The following ABR variants were observed in gnomAD, a reference collection of about 807,000 sequenced individuals.
ABR encodes the protein ABR activator of RhoGEF and GTPase.
In ABR, 35 loss-of-function variants were observed where a neutral mutation model predicts 107.2. The ratio of observed to expected loss-of-function variants is 0.33; its 90% CI spans 0.25 to 0.43. The LOEUF (loss-of-function observed/expected upper bound fraction) is 0.43. ABR is among the 20% of genes least tolerant of loss of function. The pLI is 1.00. For missense variants in ABR, 815 were observed against 1,115.2 expected (o/e 0.73, Z 3.83); for synonymous variants, 498 against 462.0 (o/e 1.08, Z -1.00).
intron 1 of ABR, among the ~76,000 whole-genome samples, chr17:1,161,924 C>T (rs1184074054): frequency 6.6e-6 from 1 of 152,200 alleles, no homozygotes; most frequent in African/African-American, 2.4e-5. Flanking sequence ...ACACCACTAG[C>T]TAATGGTAAT....
chr17:1,103,382 C>T (rs958455711), intron 2 of ABR, among the ~76,000 whole-genome samples: 1 of 152,180 alleles, frequency 6.6e-6, no homozygotes, highest in Non-Finnish European at 1.5e-5. Flanking sequence ...GCTTCCCAGC[C>T]TTGACAAATG....
intron 16 of ABR, among the ~76,000 whole-genome samples, chr17:1,045,714 T>C (rs734894): frequency 0.38 from 58,047 of 152,110 alleles, 11,532 homozygotes; most frequent in East Asian, 0.65. Flanking sequence ...CTTATGTGTG[T>C]ACGGCTATTG....
Position 1,130,889 on chromosome 17 carries a change from C to T in ABR, c.62-5522G>A, listed in dbSNP as rs542027561. Reference sequence around the variant, plus strand: ...AGGGGAGTAAGTGGGAACTCTGCCCCGGCAGCCTGGGGAGGGGCTGGGACT... The same window carrying T: ...AGGGGAGTAAGTGGGAACTCTGCCCTGGCAGCCTGGGGAGGGGCTGGGACT... On this transcript the variant is annotated intron_variant, in intron 1 of 22. Coordinates refer to ENST00000302538, the MANE Select transcript of ABR (RefSeq NM_021962.5). Among the ~76,000 whole-genome samples, 6 of 152,326 alleles carry T rather than the reference C, an allele frequency of 3.9e-5. No individual in the cohort carries two copies. The South Asian group carries it at 1.0e-3, about 26-fold the overall frequency.
chr17:1,106,044 T>C (rs1401740550), intron 2 of ABR, among the ~76,000 whole-genome samples: 1 of 152,230 alleles, frequency 6.6e-6, no homozygotes, highest in Non-Finnish European at 1.5e-5. Context: ...TAAGCCATTT[T>C]ACAAATGCAA....
At chr17:1,144,276 A>T (rs1208489032) in intron 1 of ABR, among the ~76,000 whole-genome samples, 3 of 152,168 alleles carry the variant, frequency 2.0e-5, no homozygotes, top group African/African-American at 7.2e-5. Flanking sequence ...GTACGCAAGC[A>T]ACAGCCACTC....
intron 16 of ABR, among the ~76,000 whole-genome samples, chr17:1,048,959 C>T (rs1446230639): frequency 6.6e-6 from 1 of 152,226 alleles, no homozygotes; most frequent in Non-Finnish European, 1.5e-5. Flanking sequence ...ACTTGCGGCA[C>T]AGCACGAGGC....
chr17:1,013,649 G>C (rs1483731373), intron 16 of ABR, among the ~76,000 whole-genome samples: 1 of 152,238 alleles, frequency 6.6e-6, no homozygotes, highest in African/African-American at 2.4e-5. Flanking sequence ...CCGCGCACAG[G>C]AGGCTGCCTG....
At chr17:1,093,250 C>A (rs1362636887) in intron 3 of ABR, among the ~76,000 whole-genome samples, 2 of 151,972 alleles carry the variant, frequency 1.3e-5, no homozygotes, top group Non-Finnish European at 2.9e-5. Context: ...AGGTAGATCA[C>A]CTGAGGCCAG....
chr17:1,022,120 A>AAAAAAAAAAAAAAAAAC lies in ABR; in HGVS notation c.1792-8957_1792-8956insGTTTTTTTTTTTTTTTT, dbSNP rs56033950. Among the ~76,000 whole-genome samples, 250 of 118,352 alleles carry AAAAAAAAAAAAAAAAAC rather than the reference A, an allele frequency of 2.1e-3. 21 individuals are homozygous for AAAAAAAAAAAAAAAAAC. Among genetic ancestry groups the AAAAAAAAAAAAAAAAAC allele is most frequent in the African/African-American group, 4.5e-3 (122 of 27,362 alleles). The allele number at this position is 118,352 out of a possible 152,430, so 77.6% of individuals were successfully genotyped here. ...AGACTCTGTCTCAAAAAAAAAAAAA[A>AAAAAAAAAAAAAAAAAC]AAAAACAGAAAATGACTCCAGAAGG... is the stretch of plus-strand genomic sequence containing the variant. On this transcript the variant is annotated intron_variant, in intron 16 of 22. Transcript: ENST00000302538.
intron 10 of ABR, among the ~76,000 whole-genome samples, chr17:1,059,991 C>T (rs2033739726): frequency 6.6e-6 from 1 of 152,216 alleles, no homozygotes; most frequent in Non-Finnish European, 1.5e-5. Context: ...GAACCTACTG[C>T]AGAGGCACCT....
chr17:1,069,525 A>G (rs1228266545), intron 9 of ABR, among the ~76,000 whole-genome samples: 2 of 152,046 alleles, frequency 1.3e-5, no homozygotes. Flanking sequence ...TTAGCCAGAC[A>G]TGGTGGCATG....
Position 1,027,198 on chromosome 17 carries a change from C to T in ABR, c.1792-14034G>A, listed in dbSNP as rs564667871. On this transcript the variant is annotated intron_variant, in intron 16 of 22. Transcript: ENST00000302538. The surrounding 1 kb of genome is among the most constrained non-coding windows in gnomAD (Gnocchi z 4.7). The stretch of plus-strand genomic sequence containing the variant: ...CCTTGATTGGCAGGTTCTCCTCTCC[C>T]TGGTCCAGAGCCATCCAAAAGCTGG... Among the ~76,000 whole-genome samples, 4 of 152,354 alleles carry T rather than the reference C, an allele frequency of 2.6e-5. No homozygotes were observed. In the East Asian group the frequency reaches 5.8e-4, roughly 22 times the overall value.
chr17:1,045,623 C>T (rs1252124471), intron 16 of ABR, among the ~76,000 whole-genome samples: 1 of 152,242 alleles, frequency 6.6e-6, no homozygotes, highest in Non-Finnish European at 1.5e-5. Context: ...GATGATATTC[C>T]TCTCCCACAG....
At chr17:1,056,238 GC>G in intron 13 of ABR, 129 bp from the exon 14 acceptor site, 1 of 823,036 alleles carries the variant, frequency 1.2e-6, no homozygotes, top group Non-Finnish European at 2.0e-6. Flanking sequence ...CCACCTGGTG[GC>G]CAGATGAAAA....
At chr17:1,114,590 C>T (rs1019420968) in intron 2 of ABR, among the ~76,000 whole-genome samples, 2 of 151,772 alleles carry the variant, frequency 1.3e-5, no homozygotes, top group Non-Finnish European at 2.9e-5. Flanking sequence ...CTGGCTAACA[C>T]GGTGAAACCC....
intron 9 of ABR, among the ~76,000 whole-genome samples, chr17:1,068,228 C>T (rs1327601084): frequency 1.3e-5 from 2 of 152,200 alleles, no homozygotes; most frequent in African/African-American, 4.8e-5. Context: ...CCACCGTGCC[C>T]GCCCAGTCAT....
At position 1,092,392 on chromosome 17, in the gene ABR, A is replaced by C. The variant is rs918025558; in HGVS notation, c.346-542T>G. On this transcript the variant is annotated intron_variant, in intron 3 of 22. Coordinates refer to ENST00000302538, the MANE Select transcript of ABR (RefSeq NM_021962.5). The surrounding 1 kb of genome is among the most constrained non-coding windows in gnomAD (Gnocchi z 4.6). ...AGGCATGGGCGTTCACGTGTCCCCC[A>C]CTGCAGCCCACCCCCGTGGCAGACA... Among the ~76,000 whole-genome samples the C allele has an allele frequency of 2.0e-5, 3 of 152,086 alleles. No homozygotes were observed. The highest frequency in any genetic ancestry group is 7.2e-5 in the African/African-American group (3 of 41,416).
intron 16 of ABR, among the ~76,000 whole-genome samples, chr17:1,042,388 C>G (rs1264272702): frequency 6.6e-6 from 1 of 151,986 alleles, no homozygotes; most frequent in African/African-American, 2.4e-5. Context: ...GACGTGGCAC[C>G]TACATCCACG....
chr17:1,103,849 C>T (rs1356142080), intron 2 of ABR, among the ~76,000 whole-genome samples: 1 of 152,180 alleles, frequency 6.6e-6, no homozygotes, highest in East Asian at 1.9e-4. Flanking sequence ...GCTCAGTCAC[C>T]ACCAAAGGAA....
Sources: gnomAD v4.1 joint callset for allele counts (sites outside exome capture counted in the v4.1 genomes callset) on GRCh38, gnomAD v4.1.1 for gene constraint, Gnocchi (gnomAD v3.1) non-coding constraint, MANE v1.5 for transcripts, NCBI Gene and HGNC (gene_info 2026-07-23, HGNC 2026-07-21) for gene names.